The following PPP1R9B variants were observed in gnomAD, a reference collection of about 807,000 sequenced individuals.
PPP1R9B encodes neurabin-2.
In PPP1R9B, 17 loss-of-function variants were observed where a neutral mutation model predicts 75.8. The ratio of observed to expected loss-of-function variants is 0.22; its 90% CI spans 0.15 to 0.34. The LOEUF is 0.34. Among genes scored for constraint, PPP1R9B ranks in the 10% least tolerant of loss-of-function variants. The probability of loss-of-function intolerance (pLI) is 1.00; values close to 1 mark genes in which losing one functional copy is unlikely to be tolerated. For missense variants in PPP1R9B, 875 were observed against 1,196.0 expected, an observed-to-expected ratio of 0.73 and a Z score of 3.96; for synonymous variants, 509 against 535.4, an observed-to-expected ratio of 0.95 and a Z score of 0.68.
rs1161750184 is a variant in PPP1R9B, at chr17:50,149,115, C to CG, written c.1371+27dup. ...CCGCGTGCACGTGGCAGGGGCGGCG[C>CG]GGGGGCAGGGCGGGGGGGCTCACTT... On this transcript the variant is annotated intron_variant, in intron 1 of 9. Coordinates refer to ENST00000612501, the MANE Select transcript of PPP1R9B (RefSeq NM_032595.5). This position sits in a 1 kb window ranked among gnomAD's most constrained non-coding sequence, Gnocchi z 7.2. 2.6e-6 allele frequency: 3 copies of CG among 1,146,750 alleles called. No homozygotes were observed. The highest frequency in any genetic ancestry group is 3.6e-5 in the South Asian group (2 of 56,270). 71.0% of individuals were successfully genotyped at this position (1,146,750 alleles called of 1,614,324 possible).
At position 50,139,234 on chromosome 17, in the gene PPP1R9B, C is replaced by T. The variant is rs549163680; in HGVS notation, c.2073+29G>A. The T allele has an allele frequency of 7.8e-5, 126 of 1,613,768 alleles. No homozygotes were observed. The highest frequency in any genetic ancestry group is 1.1e-4 in the South Asian group (10 of 91,082). On this transcript the variant is annotated intron_variant, in intron 7 of 9. Transcript: ENST00000612501. The surrounding 1 kb of genome is among the most constrained non-coding windows in gnomAD (Gnocchi z 5.0). ...GCTCCTCAACACACACATGCACGCACGCAAAAGCACACACATACGCACCCT... is the reference window on the plus strand; with the variant it reads ...GCTCCTCAACACACACATGCACGCATGCAAAAGCACACACATACGCACCCT...
At chr17:50,144,076 C>T (rs1912454599) in intron 2 of PPP1R9B, among the ~76,000 whole-genome samples, 1 of 152,136 alleles carries the variant, frequency 6.6e-6, no homozygotes, top group Non-Finnish European at 1.5e-5. Context: ...GGTCTTCTCC[C>T]TCTCAGCCAG....
intron 2 of PPP1R9B, 82 bp from the exon 3 acceptor site, chr17:50,143,800 C>T (rs899224266): frequency 1.6e-5 from 25 of 1,577,502 alleles, no homozygotes; most frequent in Middle Eastern, 1.7e-4. Flanking sequence ...AGGGCACAGC[C>T]CCCCCATCAG....
chr17:50,149,126 C>CGGGGGGGCTCACTTACTT lies in PPP1R9B; in HGVS notation c.1370_1371+16dup, dbSNP rs1912602726. 11 of 1,108,616 alleles carry CGGGGGGGCTCACTTACTT rather than the reference C, an allele frequency of 9.9e-6. No homozygotes were observed. The highest frequency in any genetic ancestry group is 1.3e-5 in the Non-Finnish European group (11 of 839,524). 68.7% of individuals were successfully genotyped at this position (1,108,616 alleles called of 1,614,324 possible). The stretch of plus-strand genomic sequence containing the variant: ...TGGCAGGGGCGGCGCGGGGGCAGGG[C>CGGGGGGGCTCACTTACTT]GGGGGGGCTCACTTACTTGGATGGG... On this transcript the variant is annotated intron_variant, in intron 1 of 9. Transcript: ENST00000612501. The surrounding 1 kb of genome is among the most constrained non-coding windows in gnomAD (Gnocchi z 7.2).
chr17:50,136,795 T>C (rs1257873738), intron 7 of PPP1R9B, among the ~76,000 whole-genome samples: 1 of 152,068 alleles, frequency 6.6e-6, no homozygotes, highest in African/African-American at 2.4e-5. Context: ...TCTCCCACAC[T>C]ACCTCTGTGC....
intron 2 of PPP1R9B, 74 bp downstream of exon 2, chr17:50,145,039 A>C: frequency 6.4e-7 from 1 of 1,553,242 alleles, no homozygotes; most frequent in Admixed American, 1.8e-5. Context: ...GGCACAGGGC[A>C]GGAGCTGGTG....
At position 50,139,997 on chromosome 17, in the gene PPP1R9B, TA is replaced by T. The variant is rs1912327544; in HGVS notation, c.1866+95del. The T allele has an allele frequency of 7.2e-7, 1 of 1,389,060 alleles. No individual in the cohort carries two copies. Among genetic ancestry groups the T allele is most frequent in the South Asian group, 1.4e-5 (1 of 72,490 alleles). The allele number at this position is 1,389,060 out of a possible 1,614,324, so 86.0% of individuals were successfully genotyped here. A position where few individuals can be genotyped will look rare whatever the true frequency, so the allele number is the denominator to read the frequency against. On this transcript the variant is annotated intron_variant, in intron 5 of 9. Coordinates refer to ENST00000612501, the MANE Select transcript of PPP1R9B (RefSeq NM_032595.5). This position sits in a 1 kb window ranked among gnomAD's most constrained non-coding sequence, Gnocchi z 5.0. ...ACAGGGAATGGCACTGTGGGCTTTT[TA>T]CTAGGGCAGGGGAAGCAGTAGAGGC...
intron 7 of PPP1R9B, among the ~76,000 whole-genome samples, chr17:50,136,593 A>G (rs1010854630): frequency 6.6e-6 from 1 of 152,130 alleles, no homozygotes; most frequent in African/African-American, 2.4e-5. Flanking sequence ...AGGGCAGATG[A>G]GGGTCACCAT....
At chr17:50,138,989 T>C (rs1912299817) in intron 7 of PPP1R9B, among the ~76,000 whole-genome samples, 1 of 152,258 alleles carries the variant, frequency 6.6e-6, no homozygotes. Context: ...TGTTATCTCA[T>C]TTAATCCCAC....
rs1429682838 is a variant in PPP1R9B at position 50,139,593 on chromosome 17, G to A, written c.1867-12C>T. 3.3e-5 allele frequency: 51 copies of A among 1,531,046 alleles called. No homozygotes were observed. The highest frequency in any genetic ancestry group is 4.5e-5 in the East Asian group (2 of 44,190). The allele number at this position is 1,531,046 out of a possible 1,614,324, so 94.8% of individuals were successfully genotyped here. On this transcript the variant is annotated splice_polypyrimidine_tract_variant and intron_variant, in intron 5 of 9. Coordinates refer to ENST00000612501, the MANE Select transcript of PPP1R9B (RefSeq NM_032595.5). The surrounding 1 kb of genome is among the most constrained non-coding windows in gnomAD (Gnocchi z 5.0). ...GCATACTCTCCCGTCTGCGAAGGGA[G>A]ACCGGAGACTGTGGGCCCACCCCAC...
chr17:50,135,881 T>TA, intron 8 of PPP1R9B, 87 bp downstream of exon 8: 2 of 1,109,290 alleles, frequency 1.8e-6, no homozygotes, highest in Non-Finnish European at 2.6e-6. Context: ...TGTGCCTCCC[T>TA]ACTCAGCTGG....
At position 50,149,472 on chromosome 17, in the gene PPP1R9B, C is replaced by T. The variant is rs750475991; in HGVS notation, c.1042G>A (p.Ala348Thr). The change falls in exon 1 of 10, where the codon GCC becomes ACC. Residue 348 changes from alanine to threonine, a missense_variant. Ala to Thr is a moderately conservative substitution (Grantham distance 58). Transcript: ENST00000612501. The surrounding 1 kb of genome is among the most constrained non-coding windows in gnomAD (Gnocchi z 7.2). ...AASPAPEEPK[A>T]QAAPEKEAAA... is the part of the protein sequence containing the mutation. ...GCCTCCTTCTCCGGGGCCGCTTGGG[C>T]CTTTGGCTCCTCGGGCGCGGGGCTG... 6.2e-7 allele frequency: 1 copy of T among 1,603,390 alleles called. No individual in the cohort carries two copies. Among genetic ancestry groups the T allele is most frequent in the South Asian group, 1.1e-5 (1 of 89,866 alleles).
chr17:50,150,197 T>C lies in PPP1R9B; in HGVS notation c.317A>G (p.Asp106Gly). Residue 106 changes from aspartate (D) to glycine (G), a missense_variant, in exon 1 of 10, where the codon GAC (aspartate) becomes GGC (glycine). By Grantham distance (94) the Asp-to-Gly change is moderately conservative. This residue lies in a region of PPP1R9B where 145 missense variants were observed against 226.1 expected (regional missense o/e 0.64). Transcript: ENST00000612501. The surrounding 1 kb of genome is among the most constrained non-coding windows in gnomAD (Gnocchi z 8.7). ...GCCCAGCTTCAGCAGGGCGCTGTGG[T>C]CCACGTTCTCGTTCAGGCTGCTGGC... is the stretch of plus-strand genomic sequence containing the variant. The part of the protein sequence containing the change: ...PRASSLNENV[D>G]HSALLKLGTS... The C allele has an allele frequency of 6.8e-7, 1 of 1,461,028 alleles. No homozygotes were observed. Among genetic ancestry groups the C allele is most frequent in the Non-Finnish European group, 9.0e-7 (1 of 1,106,722 alleles). The allele number at this position is 1,461,028 out of a possible 1,614,324, so 90.5% of individuals were successfully genotyped here.
chr17:50,140,696 GC>G (rs1912352785), intron 4 of PPP1R9B, among the ~76,000 whole-genome samples: 2 of 152,150 alleles, frequency 1.3e-5, no homozygotes, highest in African/African-American at 4.8e-5. Context: ...CCAGGCACCA[GC>G]CCCTCCTCCC....
chr17:50,136,246 A>T, intron 7 of PPP1R9B, 49 bp from the exon 8 acceptor site: 1 of 1,517,886 alleles, frequency 6.6e-7, no homozygotes, highest in Non-Finnish European at 8.9e-7. Context: ...AGCAGGAGCC[A>T]AAGGGTACCC....
At position 50,135,544 on chromosome 17, in the gene PPP1R9B, C is replaced by T. The variant is rs773570557; in HGVS notation, c.2400+9G>A. The T allele has an allele frequency of 5.0e-6, 8 of 1,609,628 alleles. No individual in the cohort carries two copies. The highest frequency in any genetic ancestry group is 1.7e-5 in the Admixed American group (1 of 59,184). On this transcript the variant is annotated intron_variant, in intron 9 of 9. Coordinates refer to ENST00000612501, the MANE Select transcript of PPP1R9B (RefSeq NM_032595.5). ...ACTGGGCCCTGCCCACAGGGCGCCC[C>T]AGGCCCACCTTGTCCAGGAGCTTGT...
chr17:50,145,903 C>T (rs1242338480), intron 1 of PPP1R9B: 2 of 153,144 alleles, frequency 1.3e-5, no homozygotes, highest in African/African-American at 4.8e-5. Flanking sequence ...CCCTCCATCC[C>T]CAGGAGCCCC....
chr17:50,136,721 C>A (rs942148834), intron 7 of PPP1R9B, among the ~76,000 whole-genome samples: 9 of 152,124 alleles, frequency 5.9e-5, no homozygotes, highest in African/African-American at 2.2e-4. Flanking sequence ...GACCTCCAGT[C>A]CCCCACAGCT....
chr17:50,143,577 G>A (rs1310159266), intron 3 of PPP1R9B, 21 bp downstream of exon 3: 6 of 1,613,470 alleles, frequency 3.7e-6, no homozygotes, highest in South Asian at 1.1e-5. Context: ...AGGGTCAGGC[G>A]AGACTGGGGA....
Sources: allele counts gnomAD v4.1 joint callset (sites outside exome capture counted in the v4.1 genomes callset), GRCh38; gene constraint gnomAD v4.1.1; regional missense constraint gnomAD v4.1.1; non-coding constraint Gnocchi (gnomAD v3.1); transcripts MANE v1.5; gene names NCBI Gene and HGNC (gene_info 2026-07-23, HGNC 2026-07-21).